SLC9A4: variants seen among roughly 807,000 people sequenced by gnomAD.
SLC9A4 encodes the protein sodium/hydrogen exchanger 4.
In SLC9A4, 63 loss-of-function variants were observed where a neutral mutation model predicts 67.4. The ratio of observed to expected loss-of-function variants is 0.93; its 90% CI spans 0.76 to 1.15. The LOEUF (loss-of-function observed/expected upper bound fraction) is 1.15, where lower values mean the gene tolerates loss of function less well. SLC9A4 is among the 50% of genes most tolerant of loss of function. The pLI is 0.00. For synonymous variants in SLC9A4, 393 were observed against 367.2 expected, an observed-to-expected ratio of 1.07 and a Z score of -0.80; for missense variants, 1,089 against 987.7, an observed-to-expected ratio of 1.10 and a Z score of -1.38.
intron 1 of SLC9A4, among the ~76,000 whole-genome samples, chr2:102,478,037 ACC>A (rs1684369738): frequency 6.6e-6 from 1 of 152,122 alleles, no homozygotes; most frequent in African/African-American, 2.4e-5. Flanking sequence ...CACAACTAAT[ACC>A]CTTGGTTTAC....
At position 102,500,185 on chromosome 2, in the gene SLC9A4, C is replaced by T. The variant is rs764950780; in HGVS notation, c.721-3263C>T. 6.0e-4 allele frequency among the ~76,000 whole-genome samples: 92 copies of T among 152,184 alleles called. 1 individual carries two copies. The highest frequency in any genetic ancestry group is 1.3e-4 in the Non-Finnish European group (9 of 68,028). On this transcript the variant is annotated intron_variant, in intron 2 of 11. Coordinates refer to ENST00000295269, the MANE Select transcript of SLC9A4 (RefSeq NM_001011552.4). ...GGTGATATGACACAGAGGAGACACA[C>T]AGAGAAGACCAGGTGAAGACGCAGG...
At chr2:102,482,877 T>G (rs974742890) in intron 2 of SLC9A4, among the ~76,000 whole-genome samples, 1 of 152,218 alleles carries the variant, frequency 6.6e-6, no homozygotes, top group Non-Finnish European at 1.5e-5. Flanking sequence ...CTACAAAAGT[T>G]CTTGCCAAGG....
intron 2 of SLC9A4, among the ~76,000 whole-genome samples, chr2:102,496,425 C>T (rs1684811776): frequency 6.6e-6 from 1 of 151,654 alleles, no homozygotes; most frequent in African/African-American, 2.4e-5. Context: ...TGGTGTTCTG[C>T]AGTAGATAGG....
intron 7 of SLC9A4, among the ~76,000 whole-genome samples, chr2:102,513,473 G>A (rs993834066): frequency 6.6e-6 from 1 of 152,236 alleles, no homozygotes. Context: ...TCAGTCGAAT[G>A]GGCTGGCCAG....
chr2:102,483,835 T>TACACAC (rs1424356394), intron 2 of SLC9A4, among the ~76,000 whole-genome samples: 28 of 75,866 alleles, frequency 3.7e-4, no homozygotes, highest in African/African-American at 1.4e-3. Context: ...TATATATATA[T>TACACAC]ATATATACAC....
intron 2 of SLC9A4, among the ~76,000 whole-genome samples, chr2:102,488,573 G>A (rs557486177): frequency 5.4e-5 from 8 of 147,204 alleles, no homozygotes; most frequent in South Asian, 2.1e-4. Flanking sequence ...TTTTGAGACG[G>A]AGTCTCGCTC....
rs751535857 is a variant in SLC9A4 at position 102,532,555 on chromosome 2, A to C, written c.2264A>C (p.Asp755Ala). ...LRPKPLFHAV[D>A]EEGESGGESE... is the part of the protein sequence containing the mutation. The stretch of plus-strand genomic sequence containing the variant: ...CCCAAACCTCTGTTTCATGCAGTGG[A>C]TGAGGAGGGTGAGTCTGGAGGGGAG... The change falls in exon 12 of 12, where the codon GAT (aspartate) becomes GCT (alanine). Residue 755 changes from aspartate (D) to alanine (A), a missense_variant. Transcript: ENST00000295269. 6.2e-7 allele frequency: 1 copy of C among 1,614,038 alleles called. No homozygotes were observed. The highest frequency in any genetic ancestry group is 1.7e-5 in the Admixed American group (1 of 59,992).
chr2:102,529,104 T>C (rs1674727951), intron 11 of SLC9A4, among the ~76,000 whole-genome samples: 1 of 152,248 alleles, frequency 6.6e-6, no homozygotes, highest in Admixed American at 6.5e-5. Flanking sequence ...TTACTATTAC[T>C]ACTTAGGGAC....
intron 11 of SLC9A4, among the ~76,000 whole-genome samples, chr2:102,526,988 A>T (rs1037751503): frequency 6.6e-6 from 1 of 152,198 alleles, no homozygotes; most frequent in African/African-American, 2.4e-5. Flanking sequence ...TAAGTGTTAA[A>T]ATCATGTTGG....
chr2:102,532,754 G>A lies in SLC9A4; in HGVS notation c.*66G>A. ...CTGTCTTCCTATAACTGTGAAAGGA[G>A]GATTTCTGGAATTCAGAAGAGAGCT... is the stretch of plus-strand genomic sequence containing the variant. On this transcript the variant is annotated 3_prime_UTR_variant, in exon 12 of 12. Coordinates refer to ENST00000295269, the MANE Select transcript of SLC9A4 (RefSeq NM_001011552.4). 1 of 1,458,168 alleles carries A rather than the reference G, an allele frequency of 6.9e-7. No homozygotes were observed. The allele number at this position is 1,458,168 out of a possible 1,614,324, so 90.3% of individuals were successfully genotyped here.
intron 2 of SLC9A4, among the ~76,000 whole-genome samples, chr2:102,491,525 T>C (rs1373005443): frequency 6.6e-6 from 1 of 151,950 alleles, no homozygotes; most frequent in Non-Finnish European, 1.5e-5. Context: ...GGAACTGCCA[T>C]TTATAAAACC....
At chr2:102,477,466 A>C in intron 1 of SLC9A4, among the ~76,000 whole-genome samples, 1 of 152,240 alleles carries the variant, frequency 6.6e-6, no homozygotes, top group East Asian at 1.9e-4. Context: ...TGTGGACAAG[A>C]TACTGTGCTA....
chr2:102,482,086 A>G (rs543775246), intron 2 of SLC9A4, among the ~76,000 whole-genome samples: 1 of 152,218 alleles, frequency 6.6e-6, no homozygotes, highest in Non-Finnish European at 1.5e-5. Context: ...AGGCTGGTGC[A>G]TTCTACCCTT....
intron 2 of SLC9A4, among the ~76,000 whole-genome samples, chr2:102,500,351 A>G (rs1009118876): frequency 1.3e-5 from 2 of 152,352 alleles, no homozygotes; most frequent in South Asian, 4.1e-4. Context: ...TCTCGAGTCC[A>G]GACTCTTAGT....
At chr2:102,515,610 A>T (rs1298769754) in intron 8 of SLC9A4, among the ~76,000 whole-genome samples, 4 of 151,804 alleles carry the variant, frequency 2.6e-5, no homozygotes, top group Non-Finnish European at 1.5e-5. Context: ...AGCCCCAGGC[A>T]AAGGAAACAT....
intron 6 of SLC9A4, among the ~76,000 whole-genome samples, chr2:102,510,641 A>C (rs1039886638): frequency 2.0e-5 from 3 of 152,230 alleles, no homozygotes; most frequent in African/African-American, 7.2e-5. Flanking sequence ...GTCTAAATTG[A>C]TACCTCAAAA....
intron 6 of SLC9A4, among the ~76,000 whole-genome samples, chr2:102,509,311 T>C (rs929057494): frequency 1.3e-5 from 2 of 152,216 alleles, no homozygotes; most frequent in African/African-American, 4.8e-5. Context: ...ATGATCCTTC[T>C]GCCTCCCTCT....
chr2:102,475,905 TTA>T (rs1427726862), intron 1 of SLC9A4, among the ~76,000 whole-genome samples: 1 of 152,216 alleles, frequency 6.6e-6, no homozygotes, highest in Non-Finnish European at 1.5e-5. Flanking sequence ...TTTTTAAAGA[TTA>T]TGTTATAAAA....
chr2:102,488,674 G>A (rs948130498), intron 2 of SLC9A4, among the ~76,000 whole-genome samples: 3 of 150,964 alleles, frequency 2.0e-5, no homozygotes, highest in Non-Finnish European at 2.9e-5. Flanking sequence ...TCAGCCTCCC[G>A]AGTAGCTGGG....
Sources: gnomAD v4.1 joint callset for allele counts (sites outside exome capture counted in the v4.1 genomes callset) on GRCh38, gnomAD v4.1.1 for gene constraint, MANE v1.5 for transcripts, NCBI Gene and HGNC (gene_info 2026-07-23, HGNC 2026-07-21) for gene names.